C1orf141: variants seen among roughly 807,000 people sequenced by gnomAD.
C1orf141 encodes the protein uncharacterized protein C1orf141.
In C1orf141, 19 loss-of-function variants were observed where a neutral mutation model predicts 23.2. That is an observed-to-expected ratio of 0.82 (90% CI 0.57 to 1.20). The LOEUF (loss-of-function observed/expected upper bound fraction) is 1.20, where lower values mean the gene tolerates loss of function less well. Ranked by LOEUF, C1orf141 falls within the 50% of genes most tolerant of loss-of-function variation. C1orf141 has a pLI of 0.00. For missense variants in C1orf141, 469 were observed against 455.1 expected (o/e 1.03, Z -0.28); for synonymous variants, 153 against 154.6 (o/e 0.99, Z 0.08).
At chr1:67,095,466 C>T in intron 6 of C1orf141, 45 bp from the exon 7 acceptor site, 8 of 1,114,682 alleles carry the variant, frequency 7.2e-6, no homozygotes, top group South Asian at 1.7e-5. Context: ...GGGCTGATTA[C>T]AGCTTGTCAG....
chr1:67,101,742 A>G (rs559959813), intron 5 of C1orf141, among the ~76,000 whole-genome samples: 44 of 152,118 alleles, frequency 2.9e-4, no homozygotes, highest in Non-Finnish European at 5.0e-4. Flanking sequence ...CTGAACTTGT[A>G]TTTATGTTGA....
intron 5 of C1orf141, among the ~76,000 whole-genome samples, chr1:67,109,326 C>CAAAAAAAAAAAAAAAAAAA (rs58157985): frequency 1.2e-5 from 1 of 83,426 alleles, no homozygotes; most frequent in African/African-American, 4.9e-5. Context: ...GACTCCGTCT[C>CAAAAAAAAAAAAAAAAAAA]AAAAAAAAAA....
chr1:67,094,620 T>G (rs1645631301), intron 7 of C1orf141: 1 of 152,254 alleles, frequency 6.6e-6, no homozygotes, highest in Non-Finnish European at 1.5e-5. Flanking sequence ...AACTTTTATC[T>G]GTGACAATAG....
At chr1:67,103,213 C>A in intron 5 of C1orf141, 1 of 1,312,882 alleles carries the variant, frequency 7.6e-7, no homozygotes, top group Non-Finnish European at 1.0e-6. Context: ...TCAGTTATTT[C>A]AATGTAAACA....
At chr1:67,118,684 TA>T (rs924514177) in intron 4 of C1orf141, among the ~76,000 whole-genome samples, 11 of 152,280 alleles carry the variant, frequency 7.2e-5, no homozygotes, top group African/African-American at 2.4e-4. Context: ...CTTTGGGAGA[TA>T]ATTAGGTTAT....
chr1:67,099,451 A>G (rs1253607246), intron 5 of C1orf141, among the ~76,000 whole-genome samples: 1 of 152,206 alleles, frequency 6.6e-6, no homozygotes, highest in South Asian at 2.1e-4. Flanking sequence ...CATTGAAAGA[A>G]TGACTAACAC....
chr1:67,134,873 C>T (rs548255909), intron 1 of C1orf141, 57 bp downstream of exon 1: 1 of 152,466 alleles, frequency 6.6e-6, no homozygotes, highest in East Asian at 1.9e-4. Flanking sequence ...TCGCCTCCCA[C>T]CCTCATGCAA....
chr1:67,096,302 A>G lies in C1orf141; in HGVS notation c.366T>C (p.Pro122=), dbSNP rs773550003. 14 of 1,532,802 alleles carry G rather than the reference A, an allele frequency of 9.1e-6. 1 individual carries two copies. The East Asian group carries it at 3.2e-4, about 35-fold the overall frequency. The allele number at this position is 1,532,802 out of a possible 1,614,324, so 95.0% of individuals were successfully genotyped here. Reference sequence around the variant, plus strand: ...GACCAACAGAATCCAATGGTTTCCTAGGTTTTTTTTCAATTTGAGCTGAAA... The same window carrying G: ...GACCAACAGAATCCAATGGTTTCCTGGGTTTTTTTTCAATTTGAGCTGAAA... ...SESTAQIEKK[P]RKPLDSVGLL... is the part of the protein sequence containing the mutation. Residue 122 remains proline, a synonymous_variant, in exon 6 of 8, where the codon CCT becomes CCC. Coordinates refer to ENST00000684719, the MANE Select transcript of C1orf141 (RefSeq NM_001276351.2).
At chr1:67,117,912 T>C (rs1646228115) in intron 4 of C1orf141, among the ~76,000 whole-genome samples, 1 of 152,210 alleles carries the variant, frequency 6.6e-6, no homozygotes, top group Admixed American at 6.5e-5. Flanking sequence ...GAATATTGAA[T>C]ACTCTGAATC....
At chr1:67,093,755 G>A (rs1645606078) in intron 7 of C1orf141, 151 bp from the exon 8 acceptor site, 4 of 514,250 alleles carry the variant, frequency 7.8e-6, no homozygotes, top group Non-Finnish European at 1.3e-5. Flanking sequence ...TCAAATACAT[G>A]AAAATACTGT....
chr1:67,110,254 A>G (rs1271547714), intron 5 of C1orf141, among the ~76,000 whole-genome samples: 1 of 152,092 alleles, frequency 6.6e-6, no homozygotes, highest in Non-Finnish European at 1.5e-5. Flanking sequence ...TATAAAGGGG[A>G]ATCAGGAGTT....
At chr1:67,121,192 G>C (rs77536959) in intron 4 of C1orf141, among the ~76,000 whole-genome samples, 3,391 of 152,282 alleles carry the variant, frequency 0.022, 127 homozygotes, top group African/African-American at 0.077. Context: ...TAGTTTTAAT[G>C]TGGAATTTTA....
chr1:67,122,101 A>G (rs143257302), intron 4 of C1orf141: 347 of 152,378 alleles, frequency 2.3e-3, no homozygotes, highest in Non-Finnish European at 3.7e-3. Flanking sequence ...CAATGGTGCA[A>G]TCTCAGCTCA....
intron 5 of C1orf141, among the ~76,000 whole-genome samples, chr1:67,101,688 C>T (rs1645804042): frequency 6.6e-6 from 1 of 151,972 alleles, no homozygotes; most frequent in African/African-American, 2.4e-5. Context: ...ATAAATTTTT[C>T]TTCCCTATTT....
upstream of C1orf141, among the ~76,000 whole-genome samples, chr1:67,136,414 A>T (rs1646585688): frequency 6.6e-6 from 1 of 152,178 alleles, no homozygotes; most frequent in Non-Finnish European, 1.5e-5. Flanking sequence ...TGGAATTGAT[A>T]ACTGGAATCT....
chr1:67,105,269 T>C (rs1645896867), intron 5 of C1orf141, among the ~76,000 whole-genome samples: 1 of 142,284 alleles, frequency 7.0e-6, no homozygotes. Flanking sequence ...GAGGTTGCAT[T>C]GCACTGAGAT....
chr1:67,127,659 G>C (rs1347900383), intron 2 of C1orf141, among the ~76,000 whole-genome samples: 1 of 152,108 alleles, frequency 6.6e-6, no homozygotes, highest in Non-Finnish European at 1.5e-5. Context: ...TGTTGAGACA[G>C]AGTCTTACTC....
intron 1 of C1orf141, among the ~76,000 whole-genome samples, chr1:67,133,064 T>G (rs1646543178): frequency 6.6e-6 from 1 of 152,206 alleles, no homozygotes; most frequent in African/African-American, 2.4e-5. Context: ...CTAAGTCATA[T>G]CTAAAATAAA....
At chr1:67,113,807 G>C in intron 5 of C1orf141, 1 of 766,488 alleles carries the variant, frequency 1.3e-6, no homozygotes, top group Non-Finnish European at 1.9e-6. Flanking sequence ...CTACCATTAT[G>C]GAAGGCCAGG....
Sources: gnomAD v4.1 joint callset for allele counts (sites outside exome capture counted in the v4.1 genomes callset) on GRCh38, gnomAD v4.1.1 for gene constraint, MANE v1.5 for transcripts, NCBI Gene and HGNC (gene_info 2026-07-23, HGNC 2026-07-21) for gene names.